The following TACC2 variants were observed in gnomAD, a reference collection of about 807,000 sequenced individuals.
TACC2 encodes the protein transforming acidic coiled-coil containing protein 2.
A neutral mutation model predicts 227.3 loss-of-function variants in TACC2; 137 were observed. That is an observed-to-expected ratio of 0.60 (90% CI 0.52 to 0.69). The LOEUF (loss-of-function observed/expected upper bound fraction) is 0.69. Ranked by LOEUF, TACC2 falls within the 30% of genes least tolerant of loss-of-function variation. The pLI is 0.00. For synonymous variants in TACC2, 1,523 were observed against 1,487.5 expected, an observed-to-expected ratio of 1.02 and a Z score of -0.55; for missense variants, 3,470 against 3,694.4, an observed-to-expected ratio of 0.94 and a Z score of 1.57.
At chr10:122,170,262 T>TG in intron 7 of TACC2, among the ~76,000 whole-genome samples, 2 of 124,448 alleles carry the variant, frequency 1.6e-5, no homozygotes, top group Admixed American at 8.1e-5. Context: ...GATGATCAAG[T>TG]CTTTTTTTTT....
chr10:122,063,648 A>G (rs1346032566), intron 3 of TACC2, among the ~76,000 whole-genome samples: 2 of 152,024 alleles, frequency 1.3e-5, no homozygotes, highest in Non-Finnish European at 2.9e-5. Flanking sequence ...AAAATCACCA[A>G]TGCTCCTACC....
intron 1 of TACC2, among the ~76,000 whole-genome samples, chr10:122,004,133 C>T (rs958632469): frequency 6.6e-6 from 1 of 151,864 alleles, no homozygotes; most frequent in African/African-American, 2.4e-5. Context: ...CATGGTGGCT[C>T]ACACCTCTAA....
chr10:122,157,505 T>C (rs1013379077), intron 7 of TACC2, among the ~76,000 whole-genome samples: 1 of 151,916 alleles, frequency 6.6e-6, no homozygotes, highest in African/African-American at 2.4e-5. Context: ...CAGAAGCTGC[T>C]CATCCATGGG....
At chr10:122,034,498 C>T (rs1368673308) in intron 2 of TACC2, among the ~76,000 whole-genome samples, 2 of 152,088 alleles carry the variant, frequency 1.3e-5, no homozygotes, top group Non-Finnish European at 2.9e-5. Flanking sequence ...GTGGGAAATC[C>T]TGGAGCCAAC....
At chr10:122,159,751 T>C (rs573816896) in intron 7 of TACC2, among the ~76,000 whole-genome samples, 1 of 152,310 alleles carries the variant, frequency 6.6e-6, no homozygotes, top group South Asian at 2.1e-4. Context: ...CCATCTGTGT[T>C]TACATTCTTA....
intron 7 of TACC2, among the ~76,000 whole-genome samples, chr10:122,184,195 A>C (rs1465235931): frequency 1.3e-5 from 2 of 152,066 alleles, no homozygotes; most frequent in African/African-American, 4.8e-5. Flanking sequence ...TTGGAATCGG[A>C]AGGACACTTG....
Position 122,254,085 on chromosome 10 carries a change from GT to G in TACC2, c.*31del. The stretch of plus-strand genomic sequence containing the variant: ...TGAACCGAATGTTTTGGACTTAACT[GT>G]TGCGTGCAATATGACCGTCGGCACA... On this transcript the variant is annotated 3_prime_UTR_variant, in exon 23 of 23. Transcript: ENST00000369005. 1.9e-6 allele frequency: 3 copies of G among 1,600,834 alleles called. No homozygotes were observed. Among genetic ancestry groups the G allele is most frequent in the Non-Finnish European group, 2.6e-6 (3 of 1,167,844 alleles).
rs974686342 is a variant in TACC2, at chr10:121,992,692, C to T, written c.-46+3204C>T. Among the ~76,000 whole-genome samples the T allele has an allele frequency of 5.3e-5, 8 of 152,154 alleles. No homozygotes were observed. In the East Asian group the frequency reaches 5.8e-4, roughly 11 times the overall value. On this transcript the variant is annotated intron_variant, in intron 1 of 22. Coordinates refer to ENST00000369005, the MANE Select transcript of TACC2 (RefSeq NM_206862.4). ...TGAATTGGTTGGGCATGGTGGCTTACGCCTGTAATCCTAGCATTTTAGGAG... is the reference window on the plus strand; with the variant it reads ...TGAATTGGTTGGGCATGGTGGCTTATGCCTGTAATCCTAGCATTTTAGGAG...
intron 5 of TACC2, among the ~76,000 whole-genome samples, chr10:122,115,111 C>G (rs1003129745): frequency 6.6e-6 from 1 of 152,190 alleles, no homozygotes; most frequent in African/African-American, 2.4e-5. Context: ...GCTTTGTATC[C>G]TGGTTATTTG....
intron 2 of TACC2, among the ~76,000 whole-genome samples, chr10:122,043,870 G>A (rs1323112489): frequency 6.6e-6 from 1 of 152,190 alleles, no homozygotes; most frequent in Non-Finnish European, 1.5e-5. Context: ...ATGAGCCACT[G>A]TGCCTGGCCA....
intron 16 of TACC2, among the ~76,000 whole-genome samples, chr10:122,235,973 A>G (rs1391236563): frequency 1.3e-5 from 2 of 152,096 alleles, no homozygotes; most frequent in Non-Finnish European, 2.9e-5. Flanking sequence ...CAGGCAACAG[A>G]CGTTCAATCT....
At chr10:122,061,324 G>A (rs1591577011) in intron 3 of TACC2, among the ~76,000 whole-genome samples, 3 of 148,578 alleles carry the variant, frequency 2.0e-5, no homozygotes, top group African/African-American at 7.4e-5. Flanking sequence ...GAAAAGAATC[G>A]AGGAAGATTC....
intron 7 of TACC2, among the ~76,000 whole-genome samples, chr10:122,172,940 C>T (rs901858278): frequency 4.6e-5 from 7 of 152,092 alleles, no homozygotes; most frequent in East Asian, 1.9e-4. Context: ...TGTGAGCAGG[C>T]GAAGGCTTGT....
chr10:122,207,401 G>A (rs1249766389), intron 8 of TACC2, among the ~76,000 whole-genome samples: 3 of 152,182 alleles, frequency 2.0e-5, no homozygotes, highest in Admixed American at 1.3e-4. Flanking sequence ...GCCTGCTCTG[G>A]TAACCAACAC....
chr10:122,087,037 G>A lies in TACC2; in HGVS notation c.4537G>A (p.Gly1513Ser), dbSNP rs750586655. 2.7e-5 allele frequency: 43 copies of A among 1,613,694 alleles called. No individual in the cohort carries two copies. Among genetic ancestry groups the A allele is most frequent in the South Asian group, 9.9e-5 (9 of 91,078 alleles). ...LTWERNLPGA[G>S]VGKEMAGVPP... ...CTGGGAGCGGAACTTGCCAGGTGCC[G>A]GTGTGGGGAAGGAGATGGCAGGTGT... Residue 1513 changes from glycine (G) to serine (S), a missense_variant, in exon 4 of 23, where the codon GGT becomes AGT. Physicochemically the swap from Gly to Ser is moderately conservative, Grantham distance 56 (BLOSUM62 0). Transcript: ENST00000369005.
intron 5 of TACC2, among the ~76,000 whole-genome samples, chr10:122,127,599 AT>A (rs113386550): frequency 1.8e-4 from 27 of 150,470 alleles, no homozygotes; most frequent in Middle Eastern, 3.4e-3. Flanking sequence ...AATCTGACAG[AT>A]TTTTTTTTTC....
At chr10:122,068,956 C>CTGG (rs1262255775) in intron 3 of TACC2, among the ~76,000 whole-genome samples, 2 of 144,394 alleles carry the variant, frequency 1.4e-5, no homozygotes. Flanking sequence ...CCTCAGCCTC[C>CTGG]CAAAGTGCTG....
rs756428980 is a variant in TACC2, at chr10:122,224,805, G to C, written c.7608+18G>C. On this transcript the variant is annotated intron_variant, in intron 12 of 22. Transcript: ENST00000369005. ...CCTTACCTGTAAGTTCGTCTGCCTCGGGCCACTTAGGGGACTCGCTTTCCT... is the reference window on the plus strand; with the variant it reads ...CCTTACCTGTAAGTTCGTCTGCCTCCGGCCACTTAGGGGACTCGCTTTCCT... The C allele has an allele frequency of 6.2e-7, 1 of 1,608,496 alleles. No homozygotes were observed.
intron 3 of TACC2, among the ~76,000 whole-genome samples, chr10:122,073,196 T>TG (rs1170455811): frequency 6.9e-6 from 1 of 145,096 alleles, no homozygotes; most frequent in East Asian, 2.1e-4. Context: ...ACTTTAACCT[T>TG]GGGGGGATCC....
Sources: allele counts gnomAD v4.1 joint callset (sites outside exome capture counted in the v4.1 genomes callset), GRCh38; gene constraint gnomAD v4.1.1; transcripts MANE v1.5; gene names NCBI Gene and HGNC (gene_info 2026-07-23, HGNC 2026-07-21).